The following RGS21 variants were observed in gnomAD, a reference collection of about 807,000 sequenced individuals.
The protein encoded by RGS21 is regulator of G-protein signalling 21.
RGS21 carries 19 observed loss-of-function variants against 18.7 expected under a neutral mutation model. The observed-to-expected ratio is 1.01, with a 90% CI of 0.71 to 1.49. RGS21 has a LOEUF of 1.49. Ranked by LOEUF, RGS21 falls within the 40% of genes most tolerant of loss-of-function variation. The probability of loss-of-function intolerance (pLI) is 0.00; values close to 1 mark genes in which losing one functional copy is unlikely to be tolerated. For missense variants in RGS21, 194 were observed against 176.8 expected (o/e 1.10, Z -0.55); for synonymous variants, 56 against 57.8 (o/e 0.97, Z 0.14).
At chr1:192,363,484 A>G (rs1659214637) in intron 4 of RGS21, among the ~76,000 whole-genome samples, 1 of 152,152 alleles carries the variant, frequency 6.6e-6, no homozygotes, top group Admixed American at 6.6e-5. Context: ...TCATATTCCC[A>G]CAACACCAGA....
chr1:192,363,279 A>G (rs1281273373), intron 4 of RGS21, among the ~76,000 whole-genome samples: 3 of 152,118 alleles, frequency 2.0e-5, no homozygotes, highest in Non-Finnish European at 4.4e-5. Flanking sequence ...CAACAACAAT[A>G]ATAATAATAA....
At chr1:192,341,751 G>T in intron 1 of RGS21, among the ~76,000 whole-genome samples, 1 of 134,568 alleles carries the variant, frequency 7.4e-6, no homozygotes. Context: ...ATTTCTTAAA[G>T]ACTTTGCATG....
rs138960170 is a variant in RGS21 at position 192,339,029 on chromosome 1, G to C, written c.-60-3948G>C. 4.0e-3 allele frequency among the ~76,000 whole-genome samples: 611 copies of C among 151,954 alleles called. 4 individuals carry two copies. The highest frequency in any genetic ancestry group is 0.013 in the African/African-American group (536 of 41,484). ...CTTAGTTTCCTCATATTTAAAATAT[G>C]AATAAAAATATTGACTATCTCATAG... On this transcript the variant is annotated intron_variant, in intron 1 of 4. Transcript: ENST00000417209.
At chr1:192,327,340 G>T (rs1229729107) in intron 1 of RGS21, among the ~76,000 whole-genome samples, 1 of 152,040 alleles carries the variant, frequency 6.6e-6, no homozygotes, top group African/African-American at 2.4e-5. Flanking sequence ...CTAGCAACGA[G>T]TAGATTATAA....
intron 1 of RGS21, among the ~76,000 whole-genome samples, chr1:192,325,490 G>A (rs1658556634): frequency 6.6e-6 from 1 of 152,050 alleles, no homozygotes; most frequent in Admixed American, 6.6e-5. Context: ...GGACTGCTGG[G>A]TCAAATGGTA....
intron 3 of RGS21, among the ~76,000 whole-genome samples, chr1:192,348,113 C>T (rs1658982822): frequency 6.6e-6 from 1 of 151,288 alleles, no homozygotes; most frequent in African/African-American, 2.4e-5. Flanking sequence ...GCAACCTCTG[C>T]CTCCCGGGTT....
chr1:192,333,219 G>A (rs1299636640), intron 1 of RGS21, among the ~76,000 whole-genome samples: 2 of 150,198 alleles, frequency 1.3e-5, no homozygotes, highest in African/African-American at 2.5e-5. Context: ...ATACACTGCA[G>A]GTAGCATATA....
chr1:192,341,432 A>C (rs1557977691), intron 1 of RGS21, among the ~76,000 whole-genome samples: 1 of 152,136 alleles, frequency 6.6e-6, no homozygotes, highest in Non-Finnish European at 1.5e-5. Flanking sequence ...ATGTCCCAAC[A>C]GTATCTATAT....
chr1:192,335,922 G>T, intron 1 of RGS21, among the ~76,000 whole-genome samples: 1 of 152,168 alleles, frequency 6.6e-6, no homozygotes. Flanking sequence ...ATACTACCAG[G>T]CTAGCATTTT....
At chr1:192,341,540 A>G (rs1488674702) in intron 1 of RGS21, among the ~76,000 whole-genome samples, 1 of 152,122 alleles carries the variant, frequency 6.6e-6, no homozygotes, top group East Asian at 1.9e-4. Flanking sequence ...ATGAGGCTTC[A>G]TTTTGATAAA....
At chr1:192,361,436 G>T (rs370956188) in intron 4 of RGS21, among the ~76,000 whole-genome samples, 1 of 152,098 alleles carries the variant, frequency 6.6e-6, no homozygotes, top group Non-Finnish European at 1.5e-5. Context: ...TCCACTTCAC[G>T]AACTATTGAA....
At chr1:192,353,223 G>A (rs565078994) in intron 4 of RGS21, among the ~76,000 whole-genome samples, 48 of 152,032 alleles carry the variant, frequency 3.2e-4, no homozygotes, top group African/African-American at 1.1e-3. Flanking sequence ...CATAAAGTTA[G>A]TTACCATATT....
At chr1:192,348,661 A>G (rs1319802060) in intron 3 of RGS21, among the ~76,000 whole-genome samples, 1 of 152,152 alleles carries the variant, frequency 6.6e-6, no homozygotes, top group Non-Finnish European at 1.5e-5. Context: ...CATATAAAAT[A>G]ATCATTTACA....
chr1:192,357,031 C>G (rs957552689), intron 4 of RGS21, among the ~76,000 whole-genome samples: 1 of 151,594 alleles, frequency 6.6e-6, no homozygotes, highest in Non-Finnish European at 1.5e-5. Flanking sequence ...AGAAAGACAC[C>G]AGATAAAAAA....
chr1:192,361,454 G>A (rs1398226662), intron 4 of RGS21, among the ~76,000 whole-genome samples: 1 of 152,154 alleles, frequency 6.6e-6, no homozygotes, highest in Non-Finnish European at 1.5e-5. Context: ...GAATCCATCT[G>A]TAGTGACAAA....
intron 1 of RGS21, among the ~76,000 whole-genome samples, chr1:192,328,185 C>T (rs563045654): frequency 1.3e-5 from 2 of 152,112 alleles, no homozygotes; most frequent in African/African-American, 2.4e-5. Context: ...TCTTAATCAC[C>T]ACATATGCAT....
At chr1:192,321,452 G>A (rs544542424) in intron 1 of RGS21, among the ~76,000 whole-genome samples, 172 of 151,950 alleles carry the variant, frequency 1.1e-3, no homozygotes, top group South Asian at 3.5e-3. Context: ...ATAACTCAGG[G>A]ATTTTCTAAT....
chr1:192,332,942 T>C (rs1371754446), intron 1 of RGS21, among the ~76,000 whole-genome samples: 1 of 151,568 alleles, frequency 6.6e-6, no homozygotes. Context: ...TCAAAAAAAT[T>C]TTTTTAAATA....
chr1:192,318,883 C>T (rs138878779), intron 1 of RGS21, among the ~76,000 whole-genome samples: 3 of 152,042 alleles, frequency 2.0e-5, no homozygotes, highest in Admixed American at 1.3e-4. Context: ...TATGTAGTCA[C>T]GGTGTCTATC....
Sources: allele counts gnomAD v4.1 joint callset (sites outside exome capture counted in the v4.1 genomes callset), GRCh38; gene constraint gnomAD v4.1.1; transcripts MANE v1.5; gene names NCBI Gene and HGNC (gene_info 2026-07-23, HGNC 2026-07-21).